Variants in IL12RB1 observed in about 807,000 individuals in gnomAD.
The protein encoded by IL12RB1 is interleukin-12 receptor subunit beta-1.
Under a neutral mutation model 94.4 loss-of-function variants are expected in IL12RB1, and 64 were observed. That is an observed-to-expected ratio of 0.68 (90% CI 0.55 to 0.83). The LOEUF (loss-of-function observed/expected upper bound fraction) is 0.83. Ranked by LOEUF, IL12RB1 falls within the 40% of genes least tolerant of loss-of-function variation. The probability of loss-of-function intolerance (pLI) is 0.00; values close to 1 mark genes in which losing one functional copy is unlikely to be tolerated. For missense variants in IL12RB1, 814 were observed against 855.6 expected (o/e 0.95, Z 0.61); for synonymous variants, 362 against 355.5 (o/e 1.02, Z -0.21).
intron 7 of IL12RB1, among the ~76,000 whole-genome samples, chr19:18,074,209 G>T (rs370362784): frequency 1.3e-4 from 20 of 151,862 alleles, no homozygotes; most frequent in Non-Finnish European, 8.8e-5. Context: ...ACAGAGTCTC[G>T]TTTTGATTCC....
intron 11 of IL12RB1, among the ~76,000 whole-genome samples, chr19:18,068,121 G>A (rs1388814612): frequency 6.7e-6 from 1 of 149,660 alleles, no homozygotes; most frequent in African/African-American, 2.5e-5. Flanking sequence ...CGCCTCCTGG[G>A]TTCAAGCGAT....
intron 5 of IL12RB1, among the ~76,000 whole-genome samples, chr19:18,076,988 A>G (rs2035528671): frequency 1.3e-5 from 2 of 152,164 alleles, no homozygotes; most frequent in South Asian, 4.1e-4. Flanking sequence ...TAAAGGATAT[A>G]TGGGCGTTCT....
At chr19:18,079,026 C>T (rs968929390) in intron 4 of IL12RB1, among the ~76,000 whole-genome samples, 1 of 152,038 alleles carries the variant, frequency 6.6e-6, no homozygotes, top group Non-Finnish European at 1.5e-5. Context: ...CACAGCAAGA[C>T]CCCATCTCTT....
upstream of IL12RB1, among the ~76,000 whole-genome samples, chr19:18,090,027 G>A (rs1036098392): frequency 1.3e-5 from 2 of 152,230 alleles, no homozygotes; most frequent in Non-Finnish European, 2.9e-5. Context: ...GCCTGGGGGA[G>A]GGGCAGAGAC....
Position 18,069,553 on chromosome 19 carries a change from A to G in IL12RB1, c.1182T>C (p.Ala394=), listed in dbSNP as rs1354689077. The change falls in exon 10 of 17, where the codon GCT becomes GCC. Residue 394 remains alanine (A), a synonymous_variant. Transcript: ENST00000593993. ...SLTAPQDPDP[A]GMATYSWSRE... is the part of the protein sequence containing the mutation. ...GCCATTCCAGGCCATTACCCATTCC[A>G]GCCGGATCCGGGTCTTGCGGCGCAG... 1 of 1,608,324 alleles carries G rather than the reference A, an allele frequency of 6.2e-7. No homozygotes were observed. Among genetic ancestry groups the G allele is most frequent in the East Asian group, 2.2e-5 (1 of 44,872 alleles).
At chr19:18,075,524 G>A (rs776034584) in intron 7 of IL12RB1, among the ~76,000 whole-genome samples, 6 of 151,662 alleles carry the variant, frequency 4.0e-5, no homozygotes, top group African/African-American at 7.3e-5. Flanking sequence ...GCCTCCCAAA[G>A]TGCTGGGATT....
chr19:18,070,332 G>A (rs1281505061), intron 9 of IL12RB1, among the ~76,000 whole-genome samples: 4 of 152,250 alleles, frequency 2.6e-5, no homozygotes, highest in Non-Finnish European at 5.9e-5. Flanking sequence ...TTCCAGCCTT[G>A]TAGGCGTCTC....
At chr19:18,066,455 C>A in intron 12 of IL12RB1, 87 bp downstream of exon 12, 1 of 964,474 alleles carries the variant, frequency 1.0e-6, no homozygotes, top group Non-Finnish European at 1.6e-6. Flanking sequence ...AGAAGGACGG[C>A]AAGGTGCCCA....
At chr19:18,090,137 G>A (rs2036567704), upstream of IL12RB1, among the ~76,000 whole-genome samples, 1 of 152,202 alleles carries the variant, frequency 6.6e-6, no homozygotes, top group African/African-American at 2.4e-5. Context: ...AAGGCAGGAG[G>A]ATTGCTGTAG....
chr19:18,070,600 T>TTGGCTTGGCACATGCA, intron 9 of IL12RB1: 1 of 883,706 alleles, frequency 1.1e-6, no homozygotes, highest in Non-Finnish European at 1.4e-6. Flanking sequence ...ACCAACTGCA[T>TTGGCTTGGCACATGCA]GTGCCAAGCC....
chr19:18,064,763 C>T (rs1018692459), intron 12 of IL12RB1, among the ~76,000 whole-genome samples: 2 of 152,144 alleles, frequency 1.3e-5, no homozygotes, highest in African/African-American at 4.8e-5. Context: ...CGTGAGCCAC[C>T]GCGTCCGGCT....
Position 18,086,914 on chromosome 19 carries a change from G to C in IL12RB1, c.-91C>G. ...CGTCCCCACTCCGGAACACATTGAAGCTGAGCAAGGAGAAAAGACTGAAAA... is the reference window on the plus strand; with the variant it reads ...CGTCCCCACTCCGGAACACATTGAACCTGAGCAAGGAGAAAAGACTGAAAA... On this transcript the variant is annotated 5_prime_UTR_variant, in exon 1 of 17. Coordinates refer to ENST00000593993, the MANE Select transcript of IL12RB1 (RefSeq NM_005535.3). 6.4e-7 allele frequency: 1 copy of C among 1,566,252 alleles called. No homozygotes were observed. Among genetic ancestry groups the C allele is most frequent in the Non-Finnish European group, 8.7e-7 (1 of 1,154,610 alleles).
At chr19:18,072,467 G>A (rs1350783510) in intron 8 of IL12RB1, 118 bp from the exon 9 acceptor site, 5 of 728,366 alleles carry the variant, frequency 6.9e-6, no homozygotes, top group Admixed American at 6.0e-5. Flanking sequence ...CCAATAACAT[G>A]CATCAAAAAT....
chr19:18,062,741 C>A (rs2034237483), intron 13 of IL12RB1, among the ~76,000 whole-genome samples: 1 of 151,404 alleles, frequency 6.6e-6, no homozygotes, highest in Admixed American at 6.6e-5. Context: ...CATTGCATTC[C>A]AGCCTCGGCA....
At chr19:18,076,276 C>T (rs761704539) in intron 6 of IL12RB1, 21 bp downstream of exon 6, 3 of 1,255,156 alleles carry the variant, frequency 2.4e-6, no homozygotes, top group Admixed American at 1.7e-5. Context: ...CTGTTGTTGT[C>T]ATTACTATTA....
chr19:18,073,536 C>T lies in IL12RB1; in HGVS notation c.764G>A (p.Arg255Gln), dbSNP rs758076267. ...CGTTACCTGCTCTTTCAGGGTCAGC[C>T]GCCTCCTCCCATCCTGGCCCAGCTG... ...VEQLGQDGRR[R>Q]LTLKEQPTQL... Residue 255 changes from arginine (R) to glutamine (Q), a missense_variant, in exon 8 of 17, where the codon CGG becomes CAG. Physicochemically the swap from Arg to Gln is conservative, Grantham distance 43. Coordinates refer to ENST00000593993, the MANE Select transcript of IL12RB1 (RefSeq NM_005535.3). 1.9e-6 allele frequency: 3 copies of T among 1,610,752 alleles called. No individual in the cohort carries two copies. The highest frequency in any genetic ancestry group is 2.2e-5 in the East Asian group (1 of 44,866).
Position 18,066,588 on chromosome 19 carries a change from CT to C in IL12RB1, c.1436del (p.Lys479ArgfsTer36), listed in dbSNP as rs778603562. The C allele has an allele frequency of 1.2e-6, 2 of 1,613,514 alleles. No individual in the cohort carries two copies. Among genetic ancestry groups the C allele is most frequent in the Non-Finnish European group, 8.5e-7 (1 of 1,179,750 alleles). ...SLLSTCPGVLKEYVVRCRDED... is the reference protein window; with the variant it reads ...SLLSTCPGVLXEYVVRCRDED... ...CATCTCGGCAGCGGACAACATACTC[CT>C]TTAGGACGCCGGGACAGGTGCTCAG... On this transcript the variant is annotated frameshift_variant, in exon 12 of 17. Transcript: ENST00000593993. LOFTEE classifies it high-confidence loss of function.
intron 5 of IL12RB1, among the ~76,000 whole-genome samples, chr19:18,076,685 C>T (rs2035503836): frequency 6.6e-6 from 1 of 152,104 alleles, no homozygotes; most frequent in Admixed American, 6.6e-5. Flanking sequence ...GGATTACAGG[C>T]GTGAGCCACC....
chr19:18,091,935 G>C (rs2036649219), upstream of IL12RB1, among the ~76,000 whole-genome samples: 1 of 148,742 alleles, frequency 6.7e-6, no homozygotes, highest in Non-Finnish European at 1.5e-5. Flanking sequence ...GGAGTGCAGT[G>C]GTGCGATTTC....
Sources: allele counts gnomAD v4.1 joint callset (sites outside exome capture counted in the v4.1 genomes callset), GRCh38; gene constraint gnomAD v4.1.1; transcripts MANE v1.5; gene names NCBI Gene and HGNC (gene_info 2026-07-23, HGNC 2026-07-21).